HADH: variants seen among roughly 807,000 people sequenced by gnomAD.
HADH encodes the protein hydroxyacyl-coenzyme A dehydrogenase, mitochondrial.
In HADH, 24 loss-of-function variants were observed where a neutral mutation model predicts 32.2. That is an observed-to-expected ratio of 0.75 (90% confidence interval 0.54 to 1.05). The LOEUF is 1.05. Among genes scored for constraint, HADH ranks in the 50% least tolerant of loss-of-function variants. The pLI is 0.00. For missense variants in HADH, 350 were observed against 397.1 expected, an observed-to-expected ratio of 0.88 and a Z score of 1.01; for synonymous variants, 139 against 152.5, an observed-to-expected ratio of 0.91 and a Z score of 0.65.
chr4:108,013,660 C>T (rs532554599), intron 2 of HADH, among the ~76,000 whole-genome samples: 4 of 151,934 alleles, frequency 2.6e-5, no homozygotes, highest in Non-Finnish European at 5.9e-5. Context: ...TGTGGCTAGT[C>T]TAGATAGAAA....
chr4:108,012,910 A>T (rs1735548013), intron 2 of HADH, among the ~76,000 whole-genome samples: 1 of 152,178 alleles, frequency 6.6e-6, no homozygotes, highest in Non-Finnish European at 1.5e-5. Context: ...TTTTTACATT[A>T]AGATATTCTT....
chr4:108,016,142 C>A (rs1735686053), intron 3 of HADH, among the ~76,000 whole-genome samples: 1 of 152,132 alleles, frequency 6.6e-6, no homozygotes, highest in Non-Finnish European at 1.5e-5. Flanking sequence ...ACCTTGGGAT[C>A]CAGAGCCTTC....
chr4:108,033,652 A>T (rs1308801257), intron 7 of HADH, among the ~76,000 whole-genome samples: 4 of 152,228 alleles, frequency 2.6e-5, no homozygotes, highest in African/African-American at 9.6e-5. Context: ...TATCACATCA[A>T]TAGATTTGTG....
chr4:108,018,655 G>C (rs1735774793), intron 3 of HADH, among the ~76,000 whole-genome samples: 3 of 152,092 alleles, frequency 2.0e-5, no homozygotes, highest in Admixed American at 2.0e-4. Flanking sequence ...AGTATTGCCT[G>C]TTAGGTAAGC....
At chr4:108,026,253 C>G (rs971445242) in intron 5 of HADH, 2 of 152,134 alleles carry the variant, frequency 1.3e-5, no homozygotes, top group Non-Finnish European at 2.9e-5. Context: ...GTTGGCCAGG[C>G]TGGTCTTGAA....
At chr4:108,032,413 C>T in intron 6 of HADH, 1 of 1,392,912 alleles carries the variant, frequency 7.2e-7, no homozygotes, top group Non-Finnish European at 1.0e-6. Context: ...AAATGTGATG[C>T]CAGGGGAATA....
intron 1 of HADH, among the ~76,000 whole-genome samples, 196 bp from the exon 2 acceptor site, chr4:108,009,563 G>A (rs1246785023): frequency 6.6e-6 from 1 of 152,088 alleles, no homozygotes; most frequent in Non-Finnish European, 1.5e-5. Flanking sequence ...CAATATAAAG[G>A]GTTTAGAACA....
rs139468507 is a variant in HADH, at chr4:108,023,878, A to G, written c.636+315A>G. 2.1e-3 allele frequency: 640 copies of G among 301,832 alleles called. 2 individuals carry two copies. The highest frequency in any genetic ancestry group is 0.012 in the African/African-American group (560 of 47,284). 18.7% of individuals were successfully genotyped at this position (301,832 alleles called of 1,614,324 possible). On this transcript the variant is annotated intron_variant, in intron 5 of 7. Transcript: ENST00000309522. ...TCTCCTGATGAATGGCTGCATTTTCATAAATGATTTTAGGTACAGCTTGGT... is the reference window on the plus strand; with the variant it reads ...TCTCCTGATGAATGGCTGCATTTTCGTAAATGATTTTAGGTACAGCTTGGT...
At position 108,030,252 on chromosome 4, in the gene HADH, C is replaced by G. The variant is rs1335572982; in HGVS notation, c.709+2492C>G. 4 of 152,596 alleles carry G rather than the reference C, an allele frequency of 2.6e-5. No homozygotes were observed. The East Asian group carries it at 7.7e-4, about 29-fold the overall frequency. The allele number at this position is 152,596 out of a possible 1,614,324, so 9.5% of individuals were successfully genotyped here. On this transcript the variant is annotated intron_variant, in intron 6 of 7. Coordinates refer to ENST00000309522, the MANE Select transcript of HADH (RefSeq NM_005327.7). Reference sequence around the variant, plus strand: ...TCCTGCCATTCCCACGTTGCCCCACCTGAGTGTCTGCAGAGCTCCCAGCTG... The same window carrying G: ...TCCTGCCATTCCCACGTTGCCCCACGTGAGTGTCTGCAGAGCTCCCAGCTG...
chr4:107,993,969 C>G (rs17038304), intron 1 of HADH, among the ~76,000 whole-genome samples: 19,918 of 152,076 alleles, frequency 0.13, 2,143 homozygotes, highest in African/African-American at 0.3. Flanking sequence ...GTGCATTTCT[C>G]CAGTATTGAA....
rs528763704 is a variant in HADH, at chr4:107,996,621, T to C, written c.132+6557T>C. ...TTGAAGAAAAAAACCAGTCCAGGCA[T>C]GGTGGCTTACGCCTGTAATCCCATC... is the stretch of plus-strand genomic sequence containing the variant. On this transcript the variant is annotated intron_variant, in intron 1 of 7. Coordinates refer to ENST00000309522, the MANE Select transcript of HADH (RefSeq NM_005327.7). 1.6e-4 allele frequency among the ~76,000 whole-genome samples: 24 copies of C among 152,296 alleles called. 1 individual carries two copies. The highest frequency in any genetic ancestry group is 1.4e-3 in the Admixed American group (21 of 15,294).
intron 1 of HADH, among the ~76,000 whole-genome samples, chr4:108,002,133 A>G (rs1432375951): frequency 1.3e-5 from 2 of 152,164 alleles, no homozygotes; most frequent in Non-Finnish European, 2.9e-5. Context: ...CTTCTGCCAT[A>G]TGAGGACACA....
At chr4:108,005,764 CTGTA>C (rs1183283387) in intron 1 of HADH, among the ~76,000 whole-genome samples, 2 of 152,138 alleles carry the variant, frequency 1.3e-5, no homozygotes, top group African/African-American at 4.8e-5. Flanking sequence ...GGAACGCACT[CTGTA>C]TGGGAGCTGT....
chr4:108,022,197 G>A (rs1364785875), intron 4 of HADH, among the ~76,000 whole-genome samples: 265 of 39,886 alleles, frequency 6.6e-3, no homozygotes, highest in Middle Eastern at 0.017. Context: ...GTATGTGTGT[G>A]TGTATGTGTG....
At chr4:108,001,570 T>G (rs1453454816) in intron 1 of HADH, among the ~76,000 whole-genome samples, 1 of 152,234 alleles carries the variant, frequency 6.6e-6, no homozygotes, top group East Asian at 1.9e-4. Flanking sequence ...TAGTCCCCCC[T>G]TACGAGGGGA....
chr4:108,033,370 A>C, intron 7 of HADH, 78 bp downstream of exon 7: 3 of 824,748 alleles, frequency 3.6e-6, no homozygotes, highest in Non-Finnish European at 4.3e-6. Context: ...TTTTAAAAAA[A>C]GTTAGCAGGG....
At chr4:108,028,553 G>A in intron 6 of HADH, 1 of 282,664 alleles carries the variant, frequency 3.5e-6, no homozygotes, top group Non-Finnish European at 6.5e-6. Context: ...CTCTTCCAGA[G>A]AGATGAAAGC....
At chr4:108,032,423 ACTC>A in intron 6 of HADH, 3 of 1,282,400 alleles carry the variant, frequency 2.3e-6, no homozygotes, top group Non-Finnish European at 3.4e-6. Flanking sequence ...CCAGGGGAAT[ACTC>A]CTTACTTGTA....
chr4:108,019,443 G>T, intron 3 of HADH, 97 bp from the exon 4 acceptor site: 1 of 1,037,920 alleles, frequency 9.6e-7, no homozygotes. Context: ...CAACAGATGT[G>T]GCAGTAAGCA....
Sources: gnomAD v4.1 joint callset for allele counts (sites outside exome capture counted in the v4.1 genomes callset) on GRCh38, gnomAD v4.1.1 for gene constraint, MANE v1.5 for transcripts, NCBI Gene and HGNC (gene_info 2026-07-23, HGNC 2026-07-21) for gene names.